Variants in RNFT2 observed in about 807,000 individuals in gnomAD.
RNFT2 encodes the protein E3 ubiquitin-protein ligase RNFT2.
Under a neutral mutation model 53.0 loss-of-function variants are expected in RNFT2, and 36 were observed. That is an observed-to-expected ratio of 0.68 (90% CI 0.52 to 0.90). The LOEUF is 0.90. Among genes scored for constraint, RNFT2 ranks in the 40% least tolerant of loss-of-function variants. The probability of loss-of-function intolerance (pLI) is 0.00; values close to 1 mark genes in which losing one functional copy is unlikely to be tolerated. For missense variants in RNFT2, 514 were observed against 585.6 expected, an observed-to-expected ratio of 0.88 and a Z score of 1.26; for synonymous variants, 260 against 253.2, an observed-to-expected ratio of 1.03 and a Z score of -0.26.
At chr12:116,807,264 G>A (rs1875128869) in intron 7 of RNFT2, among the ~76,000 whole-genome samples, 1 of 152,158 alleles carries the variant, frequency 6.6e-6, no homozygotes, top group Admixed American at 6.5e-5. Flanking sequence ...GCAAGTCTGT[G>A]GCCAGGCTGT....
chr12:116,772,689 C>G (rs1280399574), intron 6 of RNFT2, among the ~76,000 whole-genome samples: 5 of 152,296 alleles, frequency 3.3e-5, no homozygotes, highest in Middle Eastern at 6.8e-3. Flanking sequence ...CACCTAACAG[C>G]AACTCTGCTA....
intron 6 of RNFT2, among the ~76,000 whole-genome samples, chr12:116,771,982 C>T (rs1335973060): frequency 2.0e-5 from 3 of 152,244 alleles, no homozygotes; most frequent in African/African-American, 7.2e-5. Context: ...TCCTTCAGGG[C>T]TGCTTGCCAG....
At chr12:116,799,800 A>G (rs1245604038) in intron 7 of RNFT2, among the ~76,000 whole-genome samples, 1 of 152,140 alleles carries the variant, frequency 6.6e-6, no homozygotes, top group African/African-American at 2.4e-5. Flanking sequence ...CAGTCCAGTG[A>G]TGAAAATGAT....
chr12:116,832,405 A>C (rs1441918266), intron 7 of RNFT2, among the ~76,000 whole-genome samples: 7 of 151,984 alleles, frequency 4.6e-5, no homozygotes, highest in Non-Finnish European at 8.8e-5. Context: ...ATTCATGTAT[A>C]CTTATTGCTG....
At chr12:116,813,632 G>A (rs1875495506) in intron 7 of RNFT2, among the ~76,000 whole-genome samples, 1 of 152,262 alleles carries the variant, frequency 6.6e-6, no homozygotes, top group South Asian at 2.1e-4. Context: ...GGCAAGAACA[G>A]AGATCAAGTC....
At chr12:116,747,925 T>C (rs1490431336) in intron 3 of RNFT2, among the ~76,000 whole-genome samples, 1 of 152,038 alleles carries the variant, frequency 6.6e-6, no homozygotes, top group Admixed American at 6.5e-5. Flanking sequence ...GCACGGTGGC[T>C]CATGCCTGTA....
intron 7 of RNFT2, among the ~76,000 whole-genome samples, chr12:116,794,606 A>G (rs1409409963): frequency 1.4e-5 from 2 of 141,162 alleles, no homozygotes; most frequent in South Asian, 2.5e-4. Flanking sequence ...TCAAAAAACA[A>G]AAGAAAGGAA....
chr12:116,766,795 T>G lies in RNFT2; in HGVS notation c.628-19T>G. 1 of 1,561,688 alleles carries G rather than the reference T, an allele frequency of 6.4e-7. No homozygotes were observed. Among genetic ancestry groups the G allele is most frequent in the Non-Finnish European group, 8.7e-7 (1 of 1,148,510 alleles). ...CCACATGCACCTTTGATATCACATATCTCTTGCTTTGTCTTCAGGAGAAGA... is the reference window on the plus strand; with the variant it reads ...CCACATGCACCTTTGATATCACATAGCTCTTGCTTTGTCTTCAGGAGAAGA... On this transcript the variant is annotated intron_variant, in intron 5 of 10. Coordinates refer to ENST00000257575, the MANE Select transcript of RNFT2 (RefSeq NM_001382266.1).
chr12:116,816,269 C>A (rs1360316706), intron 7 of RNFT2, among the ~76,000 whole-genome samples: 2 of 152,024 alleles, frequency 1.3e-5, no homozygotes, highest in Non-Finnish European at 2.9e-5. Flanking sequence ...TGGGCCCTTC[C>A]TGTTCATGGG....
intron 7 of RNFT2, chr12:116,782,075 T>A (rs1873732885): frequency 3.3e-3 from 3 of 920 alleles, no homozygotes; most frequent in Non-Finnish European, 4.7e-3. Flanking sequence ...CGAGACTCCG[T>A]CTCCAAAAAA....
chr12:116,847,645 A>G (rs1201012233), intron 10 of RNFT2, among the ~76,000 whole-genome samples: 1 of 151,554 alleles, frequency 6.6e-6, no homozygotes, highest in African/African-American at 2.4e-5. Context: ...CTCCTGCCTC[A>G]GCTTCCCGAG....
intron 7 of RNFT2, among the ~76,000 whole-genome samples, chr12:116,812,622 C>G (rs1875443474): frequency 6.6e-6 from 1 of 151,760 alleles, no homozygotes; most frequent in Non-Finnish European, 1.5e-5. Flanking sequence ...GCAACCTCCA[C>G]CTCCTGGGTT....
At chr12:116,776,916 A>ATTTTTTTT (rs10634667) in intron 6 of RNFT2, among the ~76,000 whole-genome samples, 1 of 125,928 alleles carries the variant, frequency 7.9e-6, no homozygotes, top group African/African-American at 3.0e-5. Context: ...TCAAAATGGG[A>ATTTTTTTT]TTTTTTTTTT....
At chr12:116,841,058 C>CT (rs959482861) in intron 10 of RNFT2, among the ~76,000 whole-genome samples, 9 of 152,128 alleles carry the variant, frequency 5.9e-5, no homozygotes, top group African/African-American at 2.2e-4. Context: ...AAGTCAGATG[C>CT]TTTTAGTATC....
chr12:116,845,693 C>A (rs1166083613), intron 10 of RNFT2, among the ~76,000 whole-genome samples: 1 of 152,098 alleles, frequency 6.6e-6, no homozygotes, highest in East Asian at 1.9e-4. Flanking sequence ...TAGTGGGAAT[C>A]TGTAGAAGCT....
intron 5 of RNFT2, among the ~76,000 whole-genome samples, chr12:116,766,240 C>G (rs528028073): frequency 7.9e-5 from 12 of 152,126 alleles, no homozygotes; most frequent in African/African-American, 2.9e-4. Flanking sequence ...TATGATCACA[C>G]TACTGTACTC....
intron 5 of RNFT2, among the ~76,000 whole-genome samples, chr12:116,761,038 A>G (rs1412315631): frequency 6.6e-6 from 1 of 152,124 alleles, no homozygotes; most frequent in East Asian, 1.9e-4. Flanking sequence ...ACCCCTGGGT[A>G]GATCCCTGAA....
chr12:116,808,996 C>A (rs2137162634), intron 7 of RNFT2, among the ~76,000 whole-genome samples: 1 of 152,312 alleles, frequency 6.6e-6, no homozygotes, highest in South Asian at 2.1e-4. Context: ...GGATGGCCGC[C>A]CCATCCCAAG....
rs115916374 is a variant in RNFT2, at chr12:116,785,130, A to G, written c.882+5782A>G. 1.8e-3 allele frequency among the ~76,000 whole-genome samples: 274 copies of G among 151,902 alleles called. 1 individual carries two copies. The highest frequency in any genetic ancestry group is 6.4e-3 in the African/African-American group (267 of 41,412). On this transcript the variant is annotated intron_variant, in intron 7 of 10. Coordinates refer to ENST00000257575, the MANE Select transcript of RNFT2 (RefSeq NM_001382266.1). ...TCCCTCCTGTCTCGGCCTCTTGCACATGCCCTTCAGACCCCCAGAGATGCT... is the reference window on the plus strand; with the variant it reads ...TCCCTCCTGTCTCGGCCTCTTGCACGTGCCCTTCAGACCCCCAGAGATGCT...
Sources: gnomAD v4.1 joint callset for allele counts (sites outside exome capture counted in the v4.1 genomes callset) on GRCh38, gnomAD v4.1.1 for gene constraint, MANE v1.5 for transcripts, NCBI Gene and HGNC (gene_info 2026-07-23, HGNC 2026-07-21) for gene names.